Variants in IRF5 observed in about 807,000 individuals in gnomAD.
IRF5 encodes interferon regulatory factor 5.
A neutral mutation model predicts 55.1 loss-of-function variants in IRF5; 24 were observed. That is an observed-to-expected ratio of 0.44 (90% CI 0.32 to 0.61). The LOEUF (loss-of-function observed/expected upper bound fraction) is 0.61. Ranked by LOEUF, IRF5 falls within the 20% of genes least tolerant of loss-of-function variation. IRF5 has a pLI of 0.07. For synonymous variants in IRF5, 258 were observed against 260.2 expected (o/e 0.99, Z 0.08); for missense variants, 499 against 658.5 (o/e 0.76, Z 2.65).
At position 128,947,620 on chromosome 7, in the gene IRF5, C is replaced by G. The variant is rs940300926; in HGVS notation, c.787+85C>G. On this transcript the variant is annotated intron_variant, in intron 6 of 8. Coordinates refer to ENST00000357234, the MANE Select transcript of IRF5 (RefSeq NM_001098629.3). This position sits in a 1 kb window ranked among gnomAD's most constrained non-coding sequence, Gnocchi z 6.5. Reference sequence around the variant, plus strand: ...AGGAGGGTGGAGGGTGCTGGACTCCCTTGGGTGGGAAAAGTGGGAGGGCGG... The same window carrying G: ...AGGAGGGTGGAGGGTGCTGGACTCCGTTGGGTGGGAAAAGTGGGAGGGCGG... 2.0e-6 allele frequency: 3 copies of G among 1,515,966 alleles called. No homozygotes were observed. The Admixed American group carries it at 6.2e-5, about 31-fold the overall frequency. 93.9% of individuals were successfully genotyped at this position (1,515,966 alleles called of 1,614,324 possible).
chr7:128,945,763 G>T, intron 2 of IRF5, 82 bp from the exon 3 acceptor site: 1 of 1,357,674 alleles, frequency 7.4e-7, no homozygotes, highest in Admixed American at 2.4e-5. Context: ...CCACACAGTA[G>T]AGTCTCCTAT....
chr7:128,945,967 G>C lies in IRF5; in HGVS notation c.318G>C (p.Gly106=). ...GGGACTTCCGCCTCATCTACGACGG[G>C]CCCCGGGACATGCCACCTCAGCCCT... ...KSRDFRLIYD[G]PRDMPPQPYK... Residue 106 remains glycine (G), a synonymous_variant, in exon 3 of 9, where the codon GGG becomes GGC. Coordinates refer to ENST00000357234, the MANE Select transcript of IRF5 (RefSeq NM_001098629.3). 6.2e-7 allele frequency: 1 copy of C among 1,613,302 alleles called. No homozygotes were observed. Among genetic ancestry groups the C allele is most frequent in the Non-Finnish European group, 8.5e-7 (1 of 1,179,820 alleles).
At chr7:128,945,414 C>T (rs1376289128) in intron 2 of IRF5, among the ~76,000 whole-genome samples, 1 of 152,206 alleles carries the variant, frequency 6.6e-6, no homozygotes, top group Admixed American at 6.5e-5. Context: ...CCAACATCAA[C>T]CCCTTGAGTC....
In IRF5 at chr7:128,946,862, A is replaced by T; in HGVS notation, c.448-161A>T. ...GGCTTTTCTGACCTGCCTGGGATGGACGAGCTGGGACCGGAGGCAGGGTCT... is the reference window on the plus strand; with the variant it reads ...GGCTTTTCTGACCTGCCTGGGATGGTCGAGCTGGGACCGGAGGCAGGGTCT... On this transcript the variant is annotated intron_variant, in intron 4 of 8. Transcript: ENST00000357234. This position sits in a 1 kb window ranked among gnomAD's most constrained non-coding sequence, Gnocchi z 4.2. The T allele has an allele frequency of 1.2e-6, 1 of 854,522 alleles. No homozygotes were observed. The highest frequency in any genetic ancestry group is 1.6e-5 in the South Asian group (1 of 63,820). 52.9% of individuals were successfully genotyped at this position (854,522 alleles called of 1,614,324 possible). A position where few individuals can be genotyped will look rare whatever the true frequency, so the allele number is the denominator to read the frequency against.
chr7:128,942,299 G>A (rs1796070637), intron 2 of IRF5, 23 bp downstream of exon 2: 1 of 1,593,482 alleles, frequency 6.3e-7, no homozygotes, highest in Non-Finnish European at 8.6e-7. Flanking sequence ...GAGGAGGTTG[G>A]CTGGACCTCC....
rs200918740 is a variant in IRF5, at chr7:128,948,679, G to A, written c.1406G>A (p.Arg469His). Residue 469 changes from arginine (R) to histidine (H), a missense_variant, in exon 9 of 9, where the codon CGC becomes CAC. Physicochemically the swap from Arg to His is conservative, Grantham distance 29 (BLOSUM62 0). Coordinates refer to ENST00000357234, the MANE Select transcript of IRF5 (RefSeq NM_001098629.3). The surrounding 1 kb of genome is among the most constrained non-coding windows in gnomAD (Gnocchi z 4.6). The part of the protein sequence containing the change: ...LQISNPDLKD[R>H]MVEQFKELHH... ...ATCTCAAACCCAGACCTCAAAGACC[G>A]CATGGTGGAGCAATTCAAGGAGCTC... is the stretch of plus-strand genomic sequence containing the variant. The A allele has an allele frequency of 3.0e-5, 48 of 1,614,170 alleles. No individual in the cohort carries two copies. The Admixed American group carries it at 3.7e-4, about 12-fold the overall frequency.
At position 128,948,605 on chromosome 7, in the gene IRF5, G is replaced by A. The variant is rs1432252662; in HGVS notation, c.1332G>A (p.Glu444=). 6.2e-7 allele frequency: 1 copy of A among 1,614,122 alleles called. No homozygotes were observed. Among genetic ancestry groups the A allele is most frequent in the Admixed American group, 1.7e-5 (1 of 60,032 alleles). ...CTGTAGCAGCTCGACTGCTGCTGGA[G>A]ATGTTCTCAGGGGAGCTATCTTGGT... ...VVPVAARLLL[E]MFSGELSWSA... Residue 444 remains glutamate (E), a synonymous_variant, in exon 9 of 9, where the codon GAG becomes GAA. Coordinates refer to ENST00000357234, the MANE Select transcript of IRF5 (RefSeq NM_001098629.3). The surrounding 1 kb of genome is among the most constrained non-coding windows in gnomAD (Gnocchi z 4.6).
rs765669086 is a variant in IRF5 at position 128,947,445 on chromosome 7, G to A, written c.697G>A (p.Val233Ile). 4 of 1,611,956 alleles carry A rather than the reference G, an allele frequency of 2.5e-6. No homozygotes were observed. The highest frequency in any genetic ancestry group is 3.4e-6 in the Non-Finnish European group (4 of 1,179,692). Residue 233 changes from valine (V) to isoleucine (I), a missense_variant, in exon 6 of 9, where the codon GTC (valine) becomes ATC (isoleucine). Physicochemically the swap from Val to Ile is conservative, Grantham distance 29. Transcript: ENST00000357234. This position sits in a 1 kb window ranked among gnomAD's most constrained non-coding sequence, Gnocchi z 6.5. ...PAGFRELLSEVLEPGPLPASL... is the reference protein window; with the variant it reads ...PAGFRELLSEILEPGPLPASL... The stretch of plus-strand genomic sequence containing the variant: ...TGGCTTCAGGGAGCTTCTCTCTGAG[G>A]TCCTGGAGCCTGGGCCCCTGCCTGC...
In IRF5 at chr7:128,947,480, C is replaced by A. The variant is rs538241344; in HGVS notation, c.732C>A (p.Pro244=). 1 of 1,606,194 alleles carries A rather than the reference C, an allele frequency of 6.2e-7. No individual in the cohort carries two copies. The highest frequency in any genetic ancestry group is 8.5e-7 in the Non-Finnish European group (1 of 1,177,372). Residue 244 remains proline, a synonymous_variant, in exon 6 of 9, where the codon CCC becomes CCA. Coordinates refer to ENST00000357234, the MANE Select transcript of IRF5 (RefSeq NM_001098629.3). This position sits in a 1 kb window ranked among gnomAD's most constrained non-coding sequence, Gnocchi z 6.5. ...CTGGGCCCCTGCCTGCCAGCCTGCC[C>A]CCTGCAGGCGAACAGCTCCTGCCAG... ...LEPGPLPASL[P]PAGEQLLPDL...
At position 128,946,122 on chromosome 7, in the gene IRF5, A is replaced by G; in HGVS notation, c.385+88A>G. On this transcript the variant is annotated intron_variant, in intron 3 of 8. Transcript: ENST00000357234. This position sits in a 1 kb window ranked among gnomAD's most constrained non-coding sequence, Gnocchi z 4.2. ...TGAGCTCTTGGGTGCAGGCAGGCCA[A>G]GGGCCCCTCTAGCAGGCAGTGGTCC... 7.8e-7 allele frequency: 1 copy of G among 1,275,016 alleles called. No individual in the cohort carries two copies. The highest frequency in any genetic ancestry group is 1.1e-6 in the Non-Finnish European group (1 of 937,572). 79.0% of individuals were successfully genotyped at this position (1,275,016 alleles called of 1,614,324 possible). A position where few individuals can be genotyped will look rare whatever the true frequency, so the allele number is the denominator to read the frequency against.
intron 1 of IRF5, among the ~76,000 whole-genome samples, chr7:128,938,892 C>A (rs756706447): frequency 7.2e-5 from 11 of 151,914 alleles, no homozygotes; most frequent in Non-Finnish European, 1.5e-4. Flanking sequence ...ACTTTCCCAG[C>A]CTCGCGGCCA....
rs1391027990 is a variant in IRF5 at position 128,946,974 on chromosome 7, C to T, written c.448-49C>T. On this transcript the variant is annotated intron_variant, in intron 4 of 8. Transcript: ENST00000357234. This position sits in a 1 kb window ranked among gnomAD's most constrained non-coding sequence, Gnocchi z 4.2. ...CCCCAGGTCAGTGGAATAACCTGTCCTCCTTTCTCTCCCATCTCTTCCCTC... is the reference window on the plus strand; with the variant it reads ...CCCCAGGTCAGTGGAATAACCTGTCTTCCTTTCTCTCCCATCTCTTCCCTC... 2.5e-6 allele frequency: 4 copies of T among 1,610,896 alleles called. No homozygotes were observed. Among genetic ancestry groups the T allele is most frequent in the East Asian group, 2.2e-5 (1 of 44,878 alleles).
At chr7:128,942,336 C>T (rs909009727) in intron 2 of IRF5, 60 bp downstream of exon 2, 48 of 1,440,738 alleles carry the variant, frequency 3.3e-5, no homozygotes, top group Non-Finnish European at 4.1e-5. Flanking sequence ...AGAAGAGGAG[C>T]GCACATAACG....
intron 1 of IRF5, among the ~76,000 whole-genome samples, chr7:128,938,655 C>T (rs190513410): frequency 3.3e-5 from 5 of 152,264 alleles, no homozygotes; most frequent in South Asian, 4.1e-4. Flanking sequence ...GGCTCGCGGC[C>T]GGGAATGGCA....
In IRF5 at chr7:128,946,463, C is replaced by T. The variant is rs1363699787; in HGVS notation, c.386-38C>T. ...GATCTTGCTTCTCCTCCGACATTGA[C>T]TCCTTTACTGCCCTGCTTTTCTCTC... On this transcript the variant is annotated intron_variant, in intron 3 of 8. Transcript: ENST00000357234. The surrounding 1 kb of genome is among the most constrained non-coding windows in gnomAD (Gnocchi z 4.2). 2 of 1,581,424 alleles carry T rather than the reference C, an allele frequency of 1.3e-6. No individual in the cohort carries two copies. The highest frequency in any genetic ancestry group is 1.7e-6 in the Non-Finnish European group (2 of 1,163,104).
In IRF5 at chr7:128,946,366, A is replaced by G. The variant is rs926744267; in HGVS notation, c.386-135A>G. 10 of 1,095,594 alleles carry G rather than the reference A, an allele frequency of 9.1e-6. No individual in the cohort carries two copies. The highest frequency in any genetic ancestry group is 7.8e-5 in the African/African-American group (5 of 63,944). 67.9% of individuals were successfully genotyped at this position (1,095,594 alleles called of 1,614,324 possible). ...CCCAATCCTGGTGGCTGTGCCCTCC[A>G]CCTCGCCCTGTGTTGGGGGCAGCTT... On this transcript the variant is annotated intron_variant, in intron 3 of 8. Coordinates refer to ENST00000357234, the MANE Select transcript of IRF5 (RefSeq NM_001098629.3). This position sits in a 1 kb window ranked among gnomAD's most constrained non-coding sequence, Gnocchi z 4.2.
intron 1 of IRF5, among the ~76,000 whole-genome samples, chr7:128,939,044 G>A: frequency 6.6e-6 from 1 of 151,032 alleles, no homozygotes; most frequent in Non-Finnish European, 1.5e-5. Flanking sequence ...GGAGGGGTGG[G>A]GGCGGAGGGG....
intron 1 of IRF5, among the ~76,000 whole-genome samples, chr7:128,938,880 G>T (rs887176026): frequency 1.3e-5 from 2 of 151,998 alleles, no homozygotes; most frequent in African/African-American, 4.8e-5. Flanking sequence ...CTGGAGTGGG[G>T]GACTTTCCCA....
Position 128,948,170 on chromosome 7 carries a change from T to C in IRF5, c.1181-40T>C, listed in dbSNP as rs1400983201. ...TCCTGGCTGCCTCTTGCCCAGGGCA[T>C]GGTTCCAGCCTCTGACTAGGGACCT... On this transcript the variant is annotated intron_variant, in intron 7 of 8. Coordinates refer to ENST00000357234, the MANE Select transcript of IRF5 (RefSeq NM_001098629.3). This position sits in a 1 kb window ranked among gnomAD's most constrained non-coding sequence, Gnocchi z 4.6. 2.5e-6 allele frequency: 4 copies of C among 1,611,666 alleles called. No homozygotes were observed. Among genetic ancestry groups the C allele is most frequent in the Non-Finnish European group, 3.4e-6 (4 of 1,178,316 alleles).
Sources: allele counts gnomAD v4.1 joint callset (sites outside exome capture counted in the v4.1 genomes callset), GRCh38; gene constraint gnomAD v4.1.1; non-coding constraint Gnocchi (gnomAD v3.1); transcripts MANE v1.5; gene names NCBI Gene and HGNC (gene_info 2026-07-23, HGNC 2026-07-21).